STX17: variants seen among roughly 807,000 people sequenced by gnomAD.
The protein encoded by STX17 is syntaxin-17.
STX17 carries 29 observed loss-of-function variants against 35.9 expected under a neutral mutation model. That is an observed-to-expected ratio of 0.81 (90% CI 0.60 to 1.10). The LOEUF (loss-of-function observed/expected upper bound fraction) is 1.10. STX17 is among the 50% of genes least tolerant of loss of function. STX17 has a pLI of 0.00. For missense variants in STX17, 312 were observed against 352.3 expected (o/e 0.89, Z 0.92); for synonymous variants, 92 against 118.3 (o/e 0.78, Z 1.44).
At chr9:99,937,169 C>T (rs180874553) in intron 3 of STX17, among the ~76,000 whole-genome samples, 4 of 152,040 alleles carry the variant, frequency 2.6e-5, no homozygotes, top group African/African-American at 4.8e-5. Context: ...TCATTTCTCT[C>T]GCTTCTTTTA....
At chr9:99,950,941 C>A (rs1829578610) in intron 3 of STX17, 119 bp from the exon 4 acceptor site, 4 of 953,804 alleles carry the variant, frequency 4.2e-6, no homozygotes, top group Non-Finnish European at 4.6e-6. Context: ...TTATGCTACA[C>A]CTTCTATTGT....
chr9:99,919,742 G>A (rs1290535249), intron 2 of STX17, among the ~76,000 whole-genome samples: 1 of 152,106 alleles, frequency 6.6e-6, no homozygotes, highest in Non-Finnish European at 1.5e-5. Context: ...ATTGATGTTT[G>A]CTATTTCTTA....
rs1447710251 is a variant in STX17, at chr9:99,928,856, T to A, written c.189+13T>A. 6.2e-7 allele frequency: 1 copy of A among 1,611,736 alleles called. No homozygotes were observed. Among genetic ancestry groups the A allele is most frequent in the East Asian group, 2.2e-5 (1 of 44,762 alleles). On this transcript the variant is annotated intron_variant, in intron 3 of 7. Coordinates refer to ENST00000259400, the MANE Select transcript of STX17 (RefSeq NM_017919.3). ...ACGTACAGTTCAGGTAAGGCTATTA[T>A]ATTTTTTCTGCTAAATCAGTATGAA...
chr9:99,947,579 T>C (rs1829509315), intron 3 of STX17, among the ~76,000 whole-genome samples: 1 of 152,210 alleles, frequency 6.6e-6, no homozygotes, highest in South Asian at 2.1e-4. Flanking sequence ...TTTGCTCTTC[T>C]AAGCCGCTGG....
intron 3 of STX17, among the ~76,000 whole-genome samples, chr9:99,940,470 CTTT>C (rs71498721): frequency 9.3e-6 from 1 of 107,730 alleles, no homozygotes; most frequent in Non-Finnish European, 1.9e-5. Context: ...TAGAATTTTA[CTTT>C]TTTTTTTTTT....
At position 99,968,702 on chromosome 9, in the gene STX17, A is replaced by G. The variant is rs761286692; in HGVS notation, c.*29A>G. 9 of 1,601,406 alleles carry G rather than the reference A, an allele frequency of 5.6e-6. No individual in the cohort carries two copies. The highest frequency in any genetic ancestry group is 2.2e-5 in the East Asian group (1 of 44,852). ...CCAAATTTCAGTATTATTGGTGCCA[A>G]CATGTCTATCCTGAGGACCTTTGCT... is the stretch of plus-strand genomic sequence containing the variant. On this transcript the variant is annotated 3_prime_UTR_variant, in exon 8 of 8. Coordinates refer to ENST00000259400, the MANE Select transcript of STX17 (RefSeq NM_017919.3).
rs967105589 is a variant in STX17, at chr9:99,970,764, C to A, written c.*2091C>A. Among the ~76,000 whole-genome samples the A allele has an allele frequency of 2.6e-5, 4 of 152,230 alleles. No homozygotes were observed. The highest frequency in any genetic ancestry group is 4.4e-5 in the Non-Finnish European group (3 of 68,044). ...ACCCCACTCTTCCATCCCAAATTGG[C>A]TATCCTTTCAGCCCACCAACTTAGC... is the stretch of plus-strand genomic sequence containing the variant. On this transcript the variant is annotated 3_prime_UTR_variant, in exon 8 of 8. Coordinates refer to ENST00000259400, the MANE Select transcript of STX17 (RefSeq NM_017919.3).
chr9:99,950,190 C>T (rs531368090), intron 3 of STX17, among the ~76,000 whole-genome samples: 1 of 151,962 alleles, frequency 6.6e-6, no homozygotes, highest in East Asian at 1.9e-4. Flanking sequence ...AAAAATCTAA[C>T]AACTTCATTC....
chr9:99,928,636 A>G (rs751189250), intron 2 of STX17, 142 bp from the exon 3 acceptor site: 61 of 511,036 alleles, frequency 1.2e-4, no homozygotes, highest in African/African-American at 1.1e-3. Flanking sequence ...ATGTGTTTGG[A>G]AAGTTAATTA....
At chr9:99,913,033 T>G (rs1828693461) in intron 1 of STX17, among the ~76,000 whole-genome samples, 1 of 152,168 alleles carries the variant, frequency 6.6e-6, no homozygotes. Context: ...TCTCAGCACT[T>G]TGAAGGTATT....
intron 3 of STX17, among the ~76,000 whole-genome samples, chr9:99,949,338 A>G (rs1829545679): frequency 6.6e-6 from 1 of 152,068 alleles, no homozygotes; most frequent in Non-Finnish European, 1.5e-5. Flanking sequence ...AAAATCTTAC[A>G]AGATGCTTTA....
chr9:99,949,366 T>A (rs974468960), intron 3 of STX17, among the ~76,000 whole-genome samples: 5 of 151,850 alleles, frequency 3.3e-5, no homozygotes, highest in African/African-American at 1.2e-4. Context: ...ACTAAACTAT[T>A]TTTTTTTCTA....
rs1462837965 is a variant in STX17 at position 99,973,734 on chromosome 9, A to G, written c.*5061A>G. Among the ~76,000 whole-genome samples, 1 of 152,194 alleles carries G rather than the reference A, an allele frequency of 6.6e-6. No individual in the cohort carries two copies. Among genetic ancestry groups the G allele is most frequent in the African/African-American group, 2.4e-5 (1 of 41,458 alleles). ...CTCAGTTCCTTATATCACTGCCACA[A>G]GAATTAACAACCATGTCCATCTTTC... On this transcript the variant is annotated 3_prime_UTR_variant, in exon 8 of 8. Coordinates refer to ENST00000259400, the MANE Select transcript of STX17 (RefSeq NM_017919.3).
At chr9:99,921,124 A>G (rs1386135697) in intron 2 of STX17, among the ~76,000 whole-genome samples, 1 of 152,168 alleles carries the variant, frequency 6.6e-6, no homozygotes, top group African/African-American at 2.4e-5. Flanking sequence ...TTTAGAGTAA[A>G]TTACTTGCTT....
At chr9:99,920,583 C>G (rs1342748628) in intron 2 of STX17, among the ~76,000 whole-genome samples, 2 of 151,998 alleles carry the variant, frequency 1.3e-5, no homozygotes, top group Non-Finnish European at 2.9e-5. Context: ...GTTTGCAACC[C>G]AAAGCATAGT....
At chr9:99,957,152 T>C (rs1309620494) in intron 4 of STX17, among the ~76,000 whole-genome samples, 2 of 152,198 alleles carry the variant, frequency 1.3e-5, no homozygotes, top group Non-Finnish European at 2.9e-5. Flanking sequence ...TGTTTATTCC[T>C]TGAGGGCCTT....
chr9:99,966,733 A>T (rs1300760060), intron 6 of STX17, among the ~76,000 whole-genome samples: 2 of 152,268 alleles, frequency 1.3e-5, no homozygotes, highest in African/African-American at 2.4e-5. Flanking sequence ...ATCATACTAT[A>T]CCATTAAAAG....
intron 2 of STX17, 30 bp from the exon 3 acceptor site, chr9:99,928,748 T>G (rs1478026527): frequency 6.3e-7 from 1 of 1,596,902 alleles, no homozygotes; most frequent in African/African-American, 1.4e-5. Flanking sequence ...TGATGAAAAA[T>G]TTAATACCTC....
At chr9:99,921,705 C>A (rs1828891973) in intron 2 of STX17, among the ~76,000 whole-genome samples, 1 of 151,374 alleles carries the variant, frequency 6.6e-6, no homozygotes. Context: ...AAAATTGGGT[C>A]AATATTTGCA....
Sources: gnomAD v4.1 joint callset for allele counts (sites outside exome capture counted in the v4.1 genomes callset) on GRCh38, gnomAD v4.1.1 for gene constraint, MANE v1.5 for transcripts, NCBI Gene and HGNC (gene_info 2026-07-23, HGNC 2026-07-21) for gene names.